HMGCLL1: variants seen among roughly 807,000 people sequenced by gnomAD.
HMGCLL1 encodes 3-hydroxymethyl-3-methylglutaryl-CoA lyase, cytoplasmic.
HMGCLL1 carries 36 observed loss-of-function variants against 39.1 expected under a neutral mutation model. The observed-to-expected ratio is 0.92, with a 90% CI of 0.71 to 1.22. HMGCLL1 has a LOEUF of 1.22. Ranked by LOEUF, HMGCLL1 falls within the 50% of genes most tolerant of loss-of-function variation. The probability of loss-of-function intolerance (pLI) is 0.00; values close to 1 mark genes in which losing one functional copy is unlikely to be tolerated. For synonymous variants in HMGCLL1, 149 were observed against 144.0 expected (o/e 1.03, Z -0.25); for missense variants, 451 against 416.5 (o/e 1.08, Z -0.72).
intron 1 of HMGCLL1, among the ~76,000 whole-genome samples, chr6:55,552,913 G>A (rs559796000): frequency 4.0e-5 from 6 of 151,836 alleles, no homozygotes; most frequent in East Asian, 3.9e-4. Flanking sequence ...AGGCCAAGGC[G>A]GCTGGATCAC....
At chr6:55,529,626 C>G (rs1382342482) in intron 3 of HMGCLL1, among the ~76,000 whole-genome samples, 1 of 152,104 alleles carries the variant, frequency 6.6e-6, no homozygotes, top group Non-Finnish European at 1.5e-5. Flanking sequence ...GGCCAGAGTG[C>G]TCGATGACAA....
At chr6:55,583,647 A>G (rs1772022336), upstream of HMGCLL1, among the ~76,000 whole-genome samples, 1 of 152,152 alleles carries the variant, frequency 6.6e-6, no homozygotes, top group African/African-American at 2.4e-5. Context: ...ATAGTGCCAC[A>G]ATAAACATAC....
chr6:55,654,050 T>C, the HMGCLL1 span, among the ~76,000 whole-genome samples: 2 of 152,004 alleles, frequency 1.3e-5, no homozygotes, highest in African/African-American at 4.8e-5. Context: ...GATCATCATC[T>C]AATTATCAGC....
upstream of HMGCLL1, chr6:55,579,308 G>C (rs1000499421): frequency 1.8e-6 from 1 of 562,616 alleles, no homozygotes. Flanking sequence ...ACCTGAACAG[G>C]AGAGAAAGGA....
intron 3 of HMGCLL1, among the ~76,000 whole-genome samples, chr6:55,539,986 AAGGAAGGAAGGGAGGGAGGGAGGGAGGG>A (rs1307362718): frequency 2.2e-3 from 22 of 9,920 alleles, no homozygotes; most frequent in South Asian, 8.3e-3. Flanking sequence ...GGAAGGAAGG[AAGGAAGGAAGGGAGGGAGGGAGGGAGGG>A]AGGGAGGGAG....
rs532824807 is a variant in HMGCLL1 at position 55,496,745 on chromosome 6, G to A, written c.607-1138C>T. Among the ~76,000 whole-genome samples, 42 of 152,200 alleles carry A rather than the reference G, an allele frequency of 2.8e-4. No individual in the cohort carries two copies. The East Asian group carries it at 6.4e-3, about 23-fold the overall frequency. On this transcript the variant is annotated intron_variant, in intron 6 of 8. Coordinates refer to ENST00000274901, the MANE Select transcript of HMGCLL1 (RefSeq NM_001042406.2). ...GAGAGAAAGCTGAATTGCTCAATAC[G>A]CATCATAGATTGAGGTCTCCAGCTA...
chr6:55,650,557 C>G, the HMGCLL1 span, among the ~76,000 whole-genome samples: 1 of 151,946 alleles, frequency 6.6e-6, no homozygotes, highest in Non-Finnish European at 1.5e-5. Flanking sequence ...ACTGGAGGTG[C>G]ACTTCGTCTA....
chr6:55,631,419 C>T, the HMGCLL1 span, among the ~76,000 whole-genome samples: 11 of 151,914 alleles, frequency 7.2e-5, no homozygotes, highest in African/African-American at 1.9e-4. Flanking sequence ...CATTATAACC[C>T]AGGAACATTT....
the HMGCLL1 span, among the ~76,000 whole-genome samples, chr6:55,627,512 A>C: frequency 6.6e-6 from 1 of 151,978 alleles, no homozygotes; most frequent in Non-Finnish European, 1.5e-5. Flanking sequence ...GTGATGGTTA[A>C]TACCGAGTGT....
chr6:55,475,964 C>A lies in HMGCLL1; in HGVS notation c.795+19455G>T, dbSNP rs1252802708. ...GGTCTATATGCCCATTCTTGTATTGCTATCACACATCTTAATTATTTTAGC... is the reference window on the plus strand; with the variant it reads ...GGTCTATATGCCCATTCTTGTATTGATATCACACATCTTAATTATTTTAGC... On this transcript the variant is annotated intron_variant, in intron 7 of 8. Transcript: ENST00000274901. 4.0e-5 allele frequency among the ~76,000 whole-genome samples: 6 copies of A among 151,596 alleles called. No individual in the cohort carries two copies. The South Asian group carries it at 1.0e-3, about 26-fold the overall frequency.
At chr6:55,591,027 C>T in the HMGCLL1 span, among the ~76,000 whole-genome samples, 1 of 151,960 alleles carries the variant, frequency 6.6e-6, no homozygotes, top group Non-Finnish European at 1.5e-5. Context: ...AGCCTTTGCT[C>T]TTTCTTTTTC....
intron 1 of HMGCLL1, among the ~76,000 whole-genome samples, chr6:55,553,949 T>C (rs1770510211): frequency 6.6e-6 from 1 of 152,156 alleles, no homozygotes; most frequent in Non-Finnish European, 1.5e-5. Flanking sequence ...TTTTGGAACC[T>C]GCCAACATTT....
chr6:55,555,871 A>C (rs1415594206), intron 1 of HMGCLL1, among the ~76,000 whole-genome samples: 1 of 152,148 alleles, frequency 6.6e-6, no homozygotes, highest in Non-Finnish European at 1.5e-5. Flanking sequence ...GCTCTTTTAA[A>C]CAGTAGGTCC....
chr6:55,507,906 G>A (rs954528697), intron 5 of HMGCLL1, among the ~76,000 whole-genome samples: 1 of 151,676 alleles, frequency 6.6e-6, no homozygotes, highest in African/African-American at 2.4e-5. Flanking sequence ...TTCATATAGT[G>A]CTAAAACTTT....
At chr6:55,603,836 A>C in the HMGCLL1 span, among the ~76,000 whole-genome samples, 1 of 152,206 alleles carries the variant, frequency 6.6e-6, no homozygotes, top group Non-Finnish European at 1.5e-5. Flanking sequence ...GATTTCTGCC[A>C]CAAGAATGCT....
the HMGCLL1 span, among the ~76,000 whole-genome samples, chr6:55,653,201 T>A: frequency 1.3e-5 from 2 of 152,086 alleles, no homozygotes; most frequent in Admixed American, 1.3e-4. Flanking sequence ...TTGTTTCTTT[T>A]ATGGCAAGAA....
the HMGCLL1 span, among the ~76,000 whole-genome samples, chr6:55,595,703 T>A: frequency 6.6e-6 from 1 of 151,992 alleles, no homozygotes; most frequent in Non-Finnish European, 1.5e-5. Flanking sequence ...GAAGAAAAAA[T>A]GTACTTGGAA....
At chr6:55,549,624 G>A (rs1358413843) in intron 1 of HMGCLL1, among the ~76,000 whole-genome samples, 1 of 151,902 alleles carries the variant, frequency 6.6e-6, no homozygotes, top group Non-Finnish European at 1.5e-5. Context: ...GAGTTTTCAA[G>A]TTCAAACTCC....
rs182401574 is a variant in HMGCLL1 at position 55,479,394 on chromosome 6, T to C, written c.795+16025A>G. ...CCTATTTTGTTTGCATTATACTATGTGGTGGGATATATCTGAAACTATGGG... is the reference window on the plus strand; with the variant it reads ...CCTATTTTGTTTGCATTATACTATGCGGTGGGATATATCTGAAACTATGGG... On this transcript the variant is annotated intron_variant, in intron 7 of 8. Coordinates refer to ENST00000274901, the MANE Select transcript of HMGCLL1 (RefSeq NM_001042406.2). Among the ~76,000 whole-genome samples, 12 of 151,728 alleles carry C rather than the reference T, an allele frequency of 7.9e-5. 2 individuals carry two copies. Among genetic ancestry groups the C allele is most frequent in the African/African-American group, 2.4e-4 (10 of 41,122 alleles).
Sources: allele counts gnomAD v4.1 joint callset (sites outside exome capture counted in the v4.1 genomes callset), GRCh38; gene constraint gnomAD v4.1.1; transcripts MANE v1.5; gene names NCBI Gene and HGNC (gene_info 2026-07-23, HGNC 2026-07-21).